The following ACTN2 variants were observed in gnomAD, a reference collection of about 807,000 sequenced individuals.
ACTN2 encodes the protein alpha-actinin-2.
In ACTN2, 39 loss-of-function variants were observed where a neutral mutation model predicts 113.8. That is an observed-to-expected ratio of 0.34 (90% confidence interval 0.27 to 0.45). ACTN2 has a LOEUF of 0.45. Among genes scored for constraint, ACTN2 ranks in the 20% least tolerant of loss-of-function variants. ACTN2 has a pLI of 1.00. For synonymous variants in ACTN2, 429 were observed against 444.1 expected (o/e 0.97, Z 0.43); for missense variants, 992 against 1,177.9 (o/e 0.84, Z 2.31).
At chr1:236,741,498 A>T (rs939387656) in intron 10 of ACTN2, among the ~76,000 whole-genome samples, 2 of 152,182 alleles carry the variant, frequency 1.3e-5, no homozygotes, top group African/African-American at 4.8e-5. Context: ...GGTTTCCTCG[A>T]TCCTAGTAAA....
intron 2 of ACTN2, 100 bp from the exon 3 acceptor site, chr1:236,718,794 C>G: frequency 6.5e-7 from 1 of 1,546,598 alleles, no homozygotes; most frequent in East Asian, 2.3e-5. Flanking sequence ...ATGTAACCTT[C>G]TCTTTTTAAG....
intron 10 of ACTN2, among the ~76,000 whole-genome samples, chr1:236,742,579 A>G (rs1659105527): frequency 6.6e-6 from 1 of 152,212 alleles, no homozygotes; most frequent in African/African-American, 2.4e-5. Flanking sequence ...GTTGTTTTGA[A>G]CTGAGTCATC....
chr1:236,754,896 C>A lies in ACTN2; in HGVS notation c.1975-123C>A. 1 of 1,144,242 alleles carries A rather than the reference C, an allele frequency of 8.7e-7. No individual in the cohort carries two copies. The highest frequency in any genetic ancestry group is 1.3e-6 in the Non-Finnish European group (1 of 756,518). The allele number at this position is 1,144,242 out of a possible 1,614,324, so 70.9% of individuals were successfully genotyped here. A position where few individuals can be genotyped will look rare whatever the true frequency, so the allele number is the denominator to read the frequency against. The stretch of plus-strand genomic sequence containing the variant: ...TCTGAGAAAAGTGAACCGAGTGACA[C>A]TGGCCGCTGCCTGACGCTGGCCTAG... On this transcript the variant is annotated intron_variant, in intron 16 of 20. Transcript: ENST00000366578. The surrounding 1 kb of genome is among the most constrained non-coding windows in gnomAD (Gnocchi z 4.9).
intron 5 of ACTN2, among the ~76,000 whole-genome samples, chr1:236,726,416 C>T (rs1658552277): frequency 6.6e-6 from 1 of 152,108 alleles, no homozygotes; most frequent in Non-Finnish European, 1.5e-5. Flanking sequence ...AGCCCTCAGC[C>T]CTGTAGGAAA....
At chr1:236,753,881 A>G (rs1572145233) in intron 15 of ACTN2, 66 bp from the exon 16 acceptor site, 1 of 1,308,664 alleles carries the variant, frequency 7.6e-7, no homozygotes, top group Admixed American at 2.2e-5. Flanking sequence ...CTATTCCCGC[A>G]TTCTGTGGTT....
intron 1 of ACTN2, among the ~76,000 whole-genome samples, chr1:236,692,579 G>T (rs186083898): frequency 1.5e-3 from 227 of 152,312 alleles, no homozygotes; most frequent in Middle Eastern, 0.014. Context: ...TAAAGGCAGG[G>T]TCTTGTGTGG....
At chr1:236,741,481 T>G (rs1659065277) in intron 10 of ACTN2, among the ~76,000 whole-genome samples, 2 of 152,168 alleles carry the variant, frequency 1.3e-5, no homozygotes, top group African/African-American at 4.8e-5. Context: ...CCAAAAGAGT[T>G]CCTCCCGGTT....
chr1:236,736,936 C>A, intron 8 of ACTN2, 186 bp from the exon 9 acceptor site: 1 of 634,706 alleles, frequency 1.6e-6, no homozygotes, highest in South Asian at 1.8e-5. Flanking sequence ...AAAACTGTAA[C>A]AAAGGTGTGA....
At chr1:236,729,388 A>C (rs1288648913) in intron 6 of ACTN2, among the ~76,000 whole-genome samples, 1 of 152,188 alleles carries the variant, frequency 6.6e-6, no homozygotes, top group Non-Finnish European at 1.5e-5. Context: ...GCCCACCCTT[A>C]CTACACATTT....
At chr1:236,743,833 A>G (rs1659145730) in intron 11 of ACTN2, among the ~76,000 whole-genome samples, 1 of 152,222 alleles carries the variant, frequency 6.6e-6, no homozygotes, top group South Asian at 2.1e-4. Context: ...TTAATCTAGC[A>G]GGGCTTCAGT....
At position 236,755,014 on chromosome 1, in the gene ACTN2, C is replaced by T. The variant is rs369148572; in HGVS notation, c.1975-5C>T. On this transcript the variant is annotated splice_polypyrimidine_tract_variant and splice_region_variant and intron_variant, in intron 16 of 20. Coordinates refer to ENST00000366578, the MANE Select transcript of ACTN2 (RefSeq NM_001103.4). ...TCTCTCTGCTTGCTCACTCGCCCCC[C>T]TCAGGAGATTGCCCGGAGCTCCATC... is the stretch of plus-strand genomic sequence containing the variant. 1.2e-6 allele frequency: 2 copies of T among 1,614,080 alleles called. No individual in the cohort carries two copies. The highest frequency in any genetic ancestry group is 3.3e-5 in the Admixed American group (2 of 59,998).
chr1:236,738,102 A>C (rs12138512), intron 9 of ACTN2, among the ~76,000 whole-genome samples: 69,935 of 151,948 alleles, frequency 0.46, 19,062 homozygotes, highest in Non-Finnish European at 0.61. Flanking sequence ...CTCCGCCCCC[A>C]GGGTTCAAGC....
intron 5 of ACTN2, among the ~76,000 whole-genome samples, chr1:236,727,032 C>T (rs1658571474): frequency 6.6e-6 from 1 of 152,234 alleles, no homozygotes; most frequent in Non-Finnish European, 1.5e-5. Context: ...TCTGCTGTCA[C>T]TGAACCCGCT....
intron 17 of ACTN2, among the ~76,000 whole-genome samples, chr1:236,755,890 T>G (rs71532034): frequency 1.7e-3 from 46 of 27,158 alleles, no homozygotes; most frequent in African/African-American, 9.6e-3. Context: ...TACTGCAGAG[T>G]GCCCGCTGCC....
chr1:236,742,691 A>G (rs189674051), intron 10 of ACTN2, among the ~76,000 whole-genome samples: 2 of 152,236 alleles, frequency 1.3e-5, no homozygotes, highest in African/African-American at 4.8e-5. Flanking sequence ...TGTTAGTCTT[A>G]AAAGATCCCA....
At chr1:236,687,008 C>A (rs1048283427) in intron 1 of ACTN2, among the ~76,000 whole-genome samples, 1 of 151,804 alleles carries the variant, frequency 6.6e-6, no homozygotes, top group Middle Eastern at 3.4e-3. Context: ...TGTGTGCGCG[C>A]GCGCTAGCAG....
chr1:236,709,312 ATATGT>A (rs1657944640), intron 1 of ACTN2, among the ~76,000 whole-genome samples: 1 of 141,878 alleles, frequency 7.0e-6, no homozygotes, highest in Non-Finnish European at 1.5e-5. Flanking sequence ...ATATACGTAT[ATATGT>A]ATATATATAC....
At chr1:236,725,778 AG>A (rs1658531293) in intron 4 of ACTN2, among the ~76,000 whole-genome samples, 154 bp from the exon 5 acceptor site, 1 of 152,168 alleles carries the variant, frequency 6.6e-6, no homozygotes, top group South Asian at 2.1e-4. Flanking sequence ...TTACTCACCA[AG>A]ATCAGGGTTC....
At chr1:236,701,930 C>G (rs1334802084) in intron 1 of ACTN2, among the ~76,000 whole-genome samples, 1 of 152,102 alleles carries the variant, frequency 6.6e-6, no homozygotes, top group Admixed American at 6.5e-5. Flanking sequence ...CCTTTAAGAA[C>G]TTGGTAGGGA....
Sources: gnomAD v4.1 joint callset for allele counts (sites outside exome capture counted in the v4.1 genomes callset) on GRCh38, gnomAD v4.1.1 for gene constraint, Gnocchi (gnomAD v3.1) non-coding constraint, MANE v1.5 for transcripts, NCBI Gene and HGNC (gene_info 2026-07-23, HGNC 2026-07-21) for gene names.